Variants in TMED8 observed in about 807,000 individuals in gnomAD.
TMED8 encodes the protein transmembrane p24 trafficking protein family member 8, also known as protein TMED8.
Under a neutral mutation model 32.7 loss-of-function variants are expected in TMED8, and 15 were observed. That is an observed-to-expected ratio of 0.46 (90% CI 0.31 to 0.71). The LOEUF is 0.71. TMED8 is among the 30% of genes least tolerant of loss of function. The probability of loss-of-function intolerance (pLI) is 0.06; values close to 1 mark genes in which losing one functional copy is unlikely to be tolerated. For synonymous variants in TMED8, 147 were observed against 161.4 expected, an observed-to-expected ratio of 0.91 and a Z score of 0.68; for missense variants, 390 against 423.9, an observed-to-expected ratio of 0.92 and a Z score of 0.70.
intron 1 of TMED8, among the ~76,000 whole-genome samples, chr14:77,369,074 T>C (rs1640643331): frequency 1.3e-5 from 2 of 151,908 alleles, no homozygotes. Flanking sequence ...TTTTTGTGTA[T>C]GATGTGTGAG....
At position 77,358,079 on chromosome 14, in the gene TMED8, G is replaced by A. The variant is rs1361138439; in HGVS notation, c.119-6328C>T. Among the ~76,000 whole-genome samples the A allele has an allele frequency of 2.8e-5, 4 of 145,006 alleles. No individual in the cohort carries two copies. The South Asian group carries it at 6.6e-4, about 24-fold the overall frequency. On this transcript the variant is annotated intron_variant, in intron 1 of 5. Transcript: ENST00000216468. The stretch of plus-strand genomic sequence containing the variant: ...GCGGAGGTTGCAGTGAGCTGAGATC[G>A]TGCCAAGGCACTCCAGCCTGGGTGA...
intron 3 of TMED8, among the ~76,000 whole-genome samples, chr14:77,344,622 C>A (rs186210122): frequency 5.7e-4 from 87 of 152,280 alleles, no homozygotes; most frequent in Admixed American, 2.6e-3. Flanking sequence ...GCTATTATAC[C>A]TTAATTTCTG....
In TMED8 at chr14:77,337,518, T is replaced by C. The variant is rs1892790755; in HGVS notation, c.*4253A>G. 1 of 151,896 alleles carries C rather than the reference T, an allele frequency of 6.6e-6. No individual in the cohort carries two copies. The highest frequency in any genetic ancestry group is 6.6e-5 in the Admixed American group (1 of 15,244). The allele number at this position is 151,896 out of a possible 1,614,324, so 9.4% of individuals were successfully genotyped here. A position where few individuals can be genotyped will look rare whatever the true frequency, so the allele number is the denominator to read the frequency against. The stretch of plus-strand genomic sequence containing the variant: ...ATTCTCCCTGCTTCTGCCTCCAGAG[T>C]AGCTGGGATTACAGATGCCCGCCAC... On this transcript the variant is annotated 3_prime_UTR_variant, in exon 6 of 6. Transcript: ENST00000216468.
At chr14:77,355,041 TC>T (rs1893261062) in intron 1 of TMED8, among the ~76,000 whole-genome samples, 2 of 152,012 alleles carry the variant, frequency 1.3e-5, no homozygotes, top group Admixed American at 1.3e-4. Context: ...CACCTCCCCT[TC>T]CCAAAGTGCT....
In TMED8 at chr14:77,337,272, C is replaced by G. The variant is rs3759731; in HGVS notation, c.*4499G>C. 26,293 of 152,134 alleles carry G rather than the reference C, an allele frequency of 0.17. 2,545 individuals are homozygous for G. The highest frequency in any genetic ancestry group is 0.26 in the Admixed American group (4,005 of 15,288). The allele number at this position is 152,134 out of a possible 1,614,324, so 9.4% of individuals were successfully genotyped here. ...TTAGCATAAAGCCCTTCCGGAGCAG[C>G]TTCACAATCACTCTTGTACTGACAT... On this transcript the variant is annotated 3_prime_UTR_variant, in exon 6 of 6. Coordinates refer to ENST00000216468, the MANE Select transcript of TMED8 (RefSeq NM_213601.3).
In TMED8 at chr14:77,377,087, C is replaced by A; in HGVS notation, c.-34G>T. ...CGCGCACGGAGCTCTCCGCTGCCAG[C>A]CGCGAGTGGCTCCGGAAACAGCCGA... On this transcript the variant is annotated 5_prime_UTR_variant, in exon 1 of 6. Transcript: ENST00000216468. 7.8e-7 allele frequency: 1 copy of A among 1,288,268 alleles called. No homozygotes were observed. The highest frequency in any genetic ancestry group is 1.0e-6 in the Non-Finnish European group (1 of 998,258). 79.8% of individuals were successfully genotyped at this position (1,288,268 alleles called of 1,614,324 possible).
At chr14:77,353,539 C>T (rs1433181161) in intron 1 of TMED8, among the ~76,000 whole-genome samples, 5 of 151,334 alleles carry the variant, frequency 3.3e-5, no homozygotes, top group Admixed American at 1.3e-4. Context: ...CAACCTCAAC[C>T]TTCCAGGTTC....
chr14:77,357,291 A>T lies in TMED8; in HGVS notation c.119-5540T>A, dbSNP rs144921853. 4.7e-3 allele frequency among the ~76,000 whole-genome samples: 711 copies of T among 152,360 alleles called. 3 individuals are homozygous for T. Among genetic ancestry groups the T allele is most frequent in the Middle Eastern group, 0.017 (5 of 294 alleles). On this transcript the variant is annotated intron_variant, in intron 1 of 5. Transcript: ENST00000216468. ...TTATTACAAGTTTAATGATAAAAAGATTAGGTTCATGTTTTCAGCCTAATC... is the reference window on the plus strand; with the variant it reads ...TTATTACAAGTTTAATGATAAAAAGTTTAGGTTCATGTTTTCAGCCTAATC...
chr14:77,348,616 T>G (rs1893104567), intron 2 of TMED8, among the ~76,000 whole-genome samples: 1 of 152,226 alleles, frequency 6.6e-6, no homozygotes, highest in South Asian at 2.1e-4. Context: ...TATAAAGGTC[T>G]GAGAATCCCT....
intron 1 of TMED8, among the ~76,000 whole-genome samples, chr14:77,364,043 C>A (rs979122468): frequency 1.3e-5 from 2 of 152,212 alleles, no homozygotes; most frequent in African/African-American, 4.8e-5. Flanking sequence ...ACATTCACTG[C>A]ATCAATATAT....
intron 1 of TMED8, among the ~76,000 whole-genome samples, chr14:77,364,935 C>T (rs1297369362): frequency 1.3e-5 from 2 of 152,150 alleles, no homozygotes; most frequent in Non-Finnish European, 2.9e-5. Flanking sequence ...TGAAACACTA[C>T]TGTTTTAATT....
rs1020681276 is a variant in TMED8, at chr14:77,336,348, C to G, written c.*5423G>C. 9 of 152,106 alleles carry G rather than the reference C, an allele frequency of 5.9e-5. No homozygotes were observed. Among genetic ancestry groups the G allele is most frequent in the South Asian group, 2.1e-4 (1 of 4,826 alleles). 9.4% of individuals were successfully genotyped at this position (152,106 alleles called of 1,614,324 possible). A position where few individuals can be genotyped will look rare whatever the true frequency, so the allele number is the denominator to read the frequency against. On this transcript the variant is annotated 3_prime_UTR_variant, in exon 6 of 6. Coordinates refer to ENST00000216468, the MANE Select transcript of TMED8 (RefSeq NM_213601.3). ...CCACATACCTGGGGCCTAAAAAAATCAGGTACATATAATAGGAATCACATC... is the reference window on the plus strand; with the variant it reads ...CCACATACCTGGGGCCTAAAAAAATGAGGTACATATAATAGGAATCACATC...
At position 77,351,666 on chromosome 14, in the gene TMED8, TG is replaced by T; in HGVS notation, c.197+6del. On this transcript the variant is annotated splice_donor_region_variant and intron_variant, in intron 2 of 5. Transcript: ENST00000216468. Reference sequence around the variant, plus strand: ...ACCTGTGAAAGCATTCTATCCAAAGTGGTTACCTGTGGGGTGAGGAGCAGGG... The same window carrying T: ...ACCTGTGAAAGCATTCTATCCAAAGTGTTACCTGTGGGGTGAGGAGCAGGG... 2 of 1,610,796 alleles carry T rather than the reference TG, an allele frequency of 1.2e-6. No homozygotes were observed. The highest frequency in any genetic ancestry group is 1.7e-6 in the Non-Finnish European group (2 of 1,178,290).
chr14:77,351,469 G>A (rs1339977525), intron 2 of TMED8, among the ~76,000 whole-genome samples: 1 of 128,176 alleles, frequency 7.8e-6, no homozygotes, highest in Non-Finnish European at 1.6e-5. Flanking sequence ...CACTGTGCTA[G>A]CCAGGATGGT....
chr14:77,372,934 ATATATATATATATATATATTTTTTTTTT>A (rs1893716210), intron 1 of TMED8, among the ~76,000 whole-genome samples: 4 of 30,440 alleles, frequency 1.3e-4, no homozygotes, highest in African/African-American at 4.4e-4. Flanking sequence ...ATATATATAT[ATATATATATATATATATATTTTTTTTTT>A]TTTTTTTTTT....
chr14:77,372,953 T>TA (rs71128617), intron 1 of TMED8, among the ~76,000 whole-genome samples: 4 of 12,362 alleles, frequency 3.2e-4, no homozygotes, highest in East Asian at 2.2e-3. Flanking sequence ...TATATATATA[T>TA]TTTTTTTTTT....
At chr14:77,360,348 C>G (rs963749306) in intron 1 of TMED8, among the ~76,000 whole-genome samples, 3 of 151,980 alleles carry the variant, frequency 2.0e-5, no homozygotes, top group Non-Finnish European at 4.4e-5. Flanking sequence ...CCTCTACCAT[C>G]ACCACCACCA....
rs1893829558 is a variant in TMED8, at chr14:77,376,830, C to T, written c.118+106G>A. The T allele has an allele frequency of 1.5e-6, 1 of 656,130 alleles. No individual in the cohort carries two copies. Among genetic ancestry groups the T allele is most frequent in the African/African-American group, 1.9e-5 (1 of 52,570 alleles). 40.6% of individuals were successfully genotyped at this position (656,130 alleles called of 1,614,324 possible). ...GCGCGAAGGGGCTGCCGAGGTGGGT[C>T]CGCTCCGCGGGGAAGCCCAGGACAG... On this transcript the variant is annotated intron_variant, in intron 1 of 5. Transcript: ENST00000216468. The surrounding 1 kb of genome is among the most constrained non-coding windows in gnomAD (Gnocchi z 4.0).
chr14:77,352,891 TCAATGTACC>T (rs1483320214), intron 1 of TMED8, among the ~76,000 whole-genome samples: 1 of 152,132 alleles, frequency 6.6e-6, no homozygotes, highest in Admixed American at 6.6e-5. Flanking sequence ...TAAGCTCAGA[TCAATGTACC>T]CAAGGTCAGG....
Sources: allele counts gnomAD v4.1 joint callset (sites outside exome capture counted in the v4.1 genomes callset), GRCh38; gene constraint gnomAD v4.1.1; non-coding constraint Gnocchi (gnomAD v3.1); transcripts MANE v1.5; gene names NCBI Gene and HGNC (gene_info 2026-07-23, HGNC 2026-07-21).